The following FSIP1 variants were observed in gnomAD, a reference collection of about 807,000 sequenced individuals.
The protein encoded by FSIP1 is fibrous sheath-interacting protein 1.
Under a neutral mutation model 60.9 loss-of-function variants are expected in FSIP1, and 65 were observed. The ratio of observed to expected loss-of-function variants is 1.07; its 90% CI spans 0.87 to 1.31. The LOEUF is 1.31. Ranked by LOEUF, FSIP1 falls within the 40% of genes most tolerant of loss-of-function variation. FSIP1 has a pLI of 0.00. For synonymous variants in FSIP1, 209 were observed against 221.2 expected, an observed-to-expected ratio of 0.94 and a Z score of 0.49; for missense variants, 675 against 665.5, an observed-to-expected ratio of 1.01 and a Z score of -0.16.
Position 39,713,531 on chromosome 15 carries a change from C to A in FSIP1, c.1101G>T (p.Lys367Asn). Reference protein sequence around the residue: ...ERNMEVTPGEKILRNTKEQRD... With the variant: ...ERNMEVTPGENILRNTKEQRD... ...GTTGCTCTTTGGTGTTCCTAAGTAT[C>A]TTTTCTCCTGGAGTTACTTCCATAT... The change falls in exon 10 of 12, where the codon AAG becomes AAT. Residue 367 changes from lysine (K) to asparagine (N), a missense_variant. Transcript: ENST00000350221. 6.2e-7 allele frequency: 1 copy of A among 1,608,758 alleles called. No homozygotes were observed. Among genetic ancestry groups the A allele is most frequent in the South Asian group, 1.1e-5 (1 of 90,014 alleles).
At chr15:39,734,594 G>C (rs912681757) in intron 8 of FSIP1, among the ~76,000 whole-genome samples, 4 of 152,134 alleles carry the variant, frequency 2.6e-5, no homozygotes, top group African/African-American at 9.7e-5. Context: ...AATTATTGAA[G>C]TTGAAAAGAA....
chr15:39,734,833 A>G (rs1896546998), intron 8 of FSIP1, among the ~76,000 whole-genome samples: 1 of 152,192 alleles, frequency 6.6e-6, no homozygotes, highest in Non-Finnish European at 1.5e-5. Context: ...AAGGATGAAG[A>G]AACAATTAAA....
downstream of FSIP1, chr15:39,599,124 C>G (rs757452537): frequency 2.6e-5 from 4 of 152,076 alleles, no homozygotes; most frequent in Non-Finnish European, 5.9e-5. Context: ...GGGGTTTCAC[C>G]TTGTTCCGGA....
chr15:39,638,748 C>G (rs1002388532), intron 10 of FSIP1, among the ~76,000 whole-genome samples: 6 of 152,030 alleles, frequency 3.9e-5, no homozygotes, highest in African/African-American at 1.4e-4. Context: ...AACAAGGAGG[C>G]AAACAGGGAA....
intron 10 of FSIP1, among the ~76,000 whole-genome samples, chr15:39,648,283 A>C (rs1892713281): frequency 6.6e-6 from 1 of 152,092 alleles, no homozygotes; most frequent in African/African-American, 2.4e-5. Flanking sequence ...TAGAATTCTA[A>C]ATTTTAATTT....
intron 11 of FSIP1, among the ~76,000 whole-genome samples, chr15:39,603,357 CT>C (rs1030608839): frequency 6.6e-6 from 1 of 152,184 alleles, no homozygotes; most frequent in Non-Finnish European, 1.5e-5. Context: ...TAGAAATTGA[CT>C]TAATTCATCT....
intron 5 of FSIP1, among the ~76,000 whole-genome samples, chr15:39,758,320 C>T (rs1396687067): frequency 1.3e-5 from 2 of 152,066 alleles, no homozygotes; most frequent in Non-Finnish European, 2.9e-5. Context: ...TAAAAGGCCA[C>T]CATAGATCCA....
chr15:39,710,735 G>A (rs921694145), intron 10 of FSIP1, among the ~76,000 whole-genome samples: 2 of 152,312 alleles, frequency 1.3e-5, no homozygotes, highest in African/African-American at 4.8e-5. Context: ...CTTACTAGCT[G>A]TATAACCTCA....
intron 10 of FSIP1, among the ~76,000 whole-genome samples, chr15:39,649,212 T>C (rs961066093): frequency 6.6e-6 from 1 of 152,200 alleles, no homozygotes; most frequent in African/African-American, 2.4e-5. Flanking sequence ...ATAAACTGTT[T>C]TGCAATATGA....
At chr15:39,776,200 G>GGGAT (rs1898054871) in intron 2 of FSIP1, among the ~76,000 whole-genome samples, 199 bp downstream of exon 2, 1 of 119,466 alleles carries the variant, frequency 8.4e-6, no homozygotes, top group Admixed American at 8.3e-5. Context: ...AGGAGAGAGA[G>GGGAT]GGAGGGAGGG....
intron 5 of FSIP1, 24 bp downstream of exon 5, chr15:39,763,797 T>C: frequency 8.4e-7 from 1 of 1,193,390 alleles, no homozygotes; most frequent in South Asian, 1.3e-5. Context: ...AAAACAAAGT[T>C]GAATGACATC....
At chr15:39,744,802 C>T (rs1388671180) in intron 5 of FSIP1, among the ~76,000 whole-genome samples, 1 of 151,574 alleles carries the variant, frequency 6.6e-6, no homozygotes, top group Non-Finnish European at 1.5e-5. Flanking sequence ...CACACACACA[C>T]ACACACACAG....
intron 2 of FSIP1, among the ~76,000 whole-genome samples, chr15:39,771,608 T>A (rs1897889914): frequency 6.6e-6 from 1 of 152,234 alleles, no homozygotes; most frequent in Admixed American, 6.5e-5. Context: ...GAAGAATTAC[T>A]ATCAGTCATG....
At chr15:39,709,639 C>T (rs10450968) in intron 10 of FSIP1, among the ~76,000 whole-genome samples, 21 of 152,140 alleles carry the variant, frequency 1.4e-4, no homozygotes, top group African/African-American at 5.1e-4. Context: ...CAGTGGTCCC[C>T]AACCCTTTAG....
intron 5 of FSIP1, among the ~76,000 whole-genome samples, chr15:39,761,924 G>T (rs1897513111): frequency 6.6e-6 from 1 of 152,166 alleles, no homozygotes. Context: ...TGTGGGCCAG[G>T]AATTTGAGGG....
chr15:39,772,102 A>G (rs1455575165), intron 2 of FSIP1, among the ~76,000 whole-genome samples: 1 of 152,170 alleles, frequency 6.6e-6, no homozygotes, highest in Admixed American at 6.5e-5. Flanking sequence ...TGAGGTACAA[A>G]GGTGAAGCTG....
Position 39,713,527 on chromosome 15 carries a change from G to A in FSIP1, c.1105C>T (p.Leu369Phe), listed in dbSNP as rs1895611083. Residue 369 changes from leucine (L) to phenylalanine (F), a missense_variant, in exon 10 of 12, where the codon CTT (leucine) becomes TTT (phenylalanine). Transcript: ENST00000350221. ...TCGCGTTGCTCTTTGGTGTTCCTAA[G>A]TATCTTTTCTCCTGGAGTTACTTCC... ...NMEVTPGEKI[L>F]RNTKEQRDLH... 3.1e-6 allele frequency: 5 copies of A among 1,608,082 alleles called. No homozygotes were observed. The highest frequency in any genetic ancestry group is 4.2e-6 in the Non-Finnish European group (5 of 1,177,344).
chr15:39,618,259 C>A lies in FSIP1; in HGVS notation c.1189-14G>T. 6.3e-7 allele frequency: 1 copy of A among 1,580,102 alleles called. No homozygotes were observed. The highest frequency in any genetic ancestry group is 8.6e-7 in the Non-Finnish European group (1 of 1,160,516). On this transcript the variant is annotated splice_polypyrimidine_tract_variant and intron_variant, in intron 10 of 11. Transcript: ENST00000350221. ...TGTGGACTCTAACTGATGAAACAAA[C>A]CAAAAGATTACATAGTCAGTTGACT...
chr15:39,678,318 C>T (rs1433139421), intron 10 of FSIP1, among the ~76,000 whole-genome samples: 1 of 151,894 alleles, frequency 6.6e-6, no homozygotes, highest in African/African-American at 2.4e-5. Context: ...TAGAAACTAT[C>T]CGACAACCAC....
Sources: allele counts gnomAD v4.1 joint callset (sites outside exome capture counted in the v4.1 genomes callset), GRCh38; gene constraint gnomAD v4.1.1; transcripts MANE v1.5; gene names NCBI Gene and HGNC (gene_info 2026-07-23, HGNC 2026-07-21).